PTPRD: variants seen among roughly 807,000 people sequenced by gnomAD.
The protein encoded by PTPRD is protein tyrosine phosphatase receptor type D, also known as receptor-type tyrosine-protein phosphatase delta.
A neutral mutation model predicts 214.5 loss-of-function variants in PTPRD; 34 were observed. The observed-to-expected ratio is 0.16, with a 90% CI of 0.12 to 0.21. The LOEUF (loss-of-function observed/expected upper bound fraction) is 0.21, where lower values mean the gene tolerates loss of function less well. PTPRD is among the 10% of genes least tolerant of loss of function. PTPRD has a pLI of 1.00. For missense variants in PTPRD, 2,545 were observed against 2,398.7 expected, an observed-to-expected ratio of 1.06 and a Z score of -1.27; for synonymous variants, 1,128 against 845.7, an observed-to-expected ratio of 1.33 and a Z score of -5.79.
chr9:8,525,208 A>G (rs763979722), intron 17 of PTPRD, 173 bp from the exon 18 acceptor site: 3 of 732,360 alleles, frequency 4.1e-6, no homozygotes, highest in East Asian at 2.5e-5. Flanking sequence ...AGAAAAACAT[A>G]TAGAGATTAT....
At chr9:10,500,870 C>T (rs527892913) in intron 2 of PTPRD, among the ~76,000 whole-genome samples, 7 of 151,718 alleles carry the variant, frequency 4.6e-5, no homozygotes, top group South Asian at 2.1e-4. Context: ...TTATTGCGAC[C>T]GACAGAATAT....
intron 39 of PTPRD, among the ~76,000 whole-genome samples, chr9:8,353,838 A>ATGTATATATGTGTATATG (rs2076197390): frequency 8.6e-5 from 4 of 46,660 alleles, no homozygotes; most frequent in African/African-American, 1.7e-4. Flanking sequence ...ATATGTATAT[A>ATGTATATATGTGTATATG]TGTATATATG....
intron 5 of PTPRD, among the ~76,000 whole-genome samples, chr9:9,794,893 C>A (rs1456923948): frequency 6.6e-6 from 1 of 152,076 alleles, no homozygotes; most frequent in African/African-American, 2.4e-5. Context: ...GGGAAGAGAA[C>A]CTAAAAGGGG....
intron 9 of PTPRD, among the ~76,000 whole-genome samples, chr9:9,251,437 T>C (rs2099975448): frequency 6.6e-6 from 1 of 152,130 alleles, no homozygotes; most frequent in Admixed American, 6.6e-5. Flanking sequence ...CCTTTGTACA[T>C]GCTTTTTCCT....
intron 14 of PTPRD, among the ~76,000 whole-genome samples, chr9:8,606,879 T>C (rs1204497143): frequency 6.6e-6 from 1 of 152,238 alleles, no homozygotes; most frequent in Non-Finnish European, 1.5e-5. Flanking sequence ...ACAGTTTTTT[T>C]TGTGTGACCA....
At chr9:9,216,882 G>A (rs1698433388) in intron 9 of PTPRD, among the ~76,000 whole-genome samples, 2 of 152,012 alleles carry the variant, frequency 1.3e-5, no homozygotes, top group Admixed American at 6.6e-5. Flanking sequence ...ACAGTTAAAT[G>A]ACTTTTGGTT....
intron 10 of PTPRD, among the ~76,000 whole-genome samples, chr9:9,099,175 T>A (rs898502082): frequency 6.6e-6 from 1 of 152,216 alleles, no homozygotes; most frequent in Non-Finnish European, 1.5e-5. Flanking sequence ...GCAGGCCATG[T>A]ACACATTTAT....
intron 10 of PTPRD, among the ~76,000 whole-genome samples, chr9:9,046,970 G>C (rs1319235860): frequency 6.6e-6 from 1 of 152,076 alleles, no homozygotes; most frequent in Non-Finnish European, 1.5e-5. Flanking sequence ...AATGGAAAAA[G>C]TCAAATAATC....
At chr9:10,552,861 G>A (rs559066681) in intron 2 of PTPRD, among the ~76,000 whole-genome samples, 66 of 152,160 alleles carry the variant, frequency 4.3e-4, no homozygotes, top group Non-Finnish European at 8.1e-4. Flanking sequence ...TGGAAAAAAG[G>A]AAACCTATTC....
rs184300160 is a variant in PTPRD, at chr9:8,597,184, G to A, written c.352+36133C>T. On this transcript the variant is annotated intron_variant, in intron 14 of 45. Coordinates refer to ENST00000381196, the MANE Select transcript of PTPRD (RefSeq NM_002839.4). ...AAGGGGGAATCTTTCTGTTTTCCTA[G>A]ATTTAACCCTGGAAGAGCAGTCTTT... Among the ~76,000 whole-genome samples, 734 of 152,170 alleles carry A rather than the reference G, an allele frequency of 4.8e-3. 3 individuals are homozygous for A. The highest frequency in any genetic ancestry group is 7.2e-3 in the Non-Finnish European group (489 of 67,964).
intron 9 of PTPRD, among the ~76,000 whole-genome samples, chr9:9,389,583 CT>C (rs1333088937): frequency 6.6e-6 from 1 of 152,048 alleles, no homozygotes; most frequent in Non-Finnish European, 1.5e-5. Flanking sequence ...TAAGTTTCAC[CT>C]TTTTTACTTG....
At chr9:10,014,536 T>G (rs943134379) in intron 4 of PTPRD, among the ~76,000 whole-genome samples, 1 of 151,996 alleles carries the variant, frequency 6.6e-6, no homozygotes, top group Admixed American at 6.6e-5. Flanking sequence ...CTAGAAATAA[T>G]GCATTTCCTT....
intron 9 of PTPRD, among the ~76,000 whole-genome samples, chr9:9,250,517 A>G (rs1487268830): frequency 6.6e-6 from 1 of 152,052 alleles, no homozygotes. Flanking sequence ...AATAACCCCA[A>G]TGACAAAAGG....
chr9:10,163,340 T>C (rs1238250443), intron 3 of PTPRD, among the ~76,000 whole-genome samples: 1 of 151,412 alleles, frequency 6.6e-6, no homozygotes, highest in Non-Finnish European at 1.5e-5. Flanking sequence ...AACTTAGAAA[T>C]ACTTTTGCCA....
intron 2 of PTPRD, among the ~76,000 whole-genome samples, chr9:10,537,144 G>A (rs926469400): frequency 6.6e-6 from 1 of 152,052 alleles, no homozygotes; most frequent in Non-Finnish European, 1.5e-5. Flanking sequence ...GATGCATGGC[G>A]AGATCTATCA....
At chr9:10,247,214 T>G (rs112227771) in intron 3 of PTPRD, among the ~76,000 whole-genome samples, 1 of 152,138 alleles carries the variant, frequency 6.6e-6, no homozygotes, top group Admixed American at 6.6e-5. Context: ...AGAGAGACAA[T>G]AGTATCTCAA....
At chr9:9,033,527 A>C (rs1343304546) in intron 10 of PTPRD, among the ~76,000 whole-genome samples, 1 of 152,166 alleles carries the variant, frequency 6.6e-6, no homozygotes, top group Non-Finnish European at 1.5e-5. Flanking sequence ...ATGAGATTCT[A>C]TAAAAGGATT....
rs187229861 is a variant in PTPRD, at chr9:10,556,207, C to T, written c.-600+56191G>A. On this transcript the variant is annotated intron_variant, in intron 2 of 45. Coordinates refer to ENST00000381196, the MANE Select transcript of PTPRD (RefSeq NM_002839.4). ...AAATAGGACTGATCTAAATGTCAAA[C>T]TTTAGAGAAATTACTAAGTAGATCA... Among the ~76,000 whole-genome samples, 495 of 151,974 alleles carry T rather than the reference C, an allele frequency of 3.3e-3. 1 individual carries two copies. Among genetic ancestry groups the T allele is most frequent in the Non-Finnish European group, 6.1e-3 (413 of 67,946 alleles).
chr9:8,652,963 A>G (rs2096842624), intron 12 of PTPRD, among the ~76,000 whole-genome samples: 1 of 152,174 alleles, frequency 6.6e-6, no homozygotes, highest in Non-Finnish European at 1.5e-5. Context: ...GTTGAGTGAT[A>G]CATGCTGCTT....
Sources: gnomAD v4.1 joint callset for allele counts (sites outside exome capture counted in the v4.1 genomes callset) on GRCh38, gnomAD v4.1.1 for gene constraint, MANE v1.5 for transcripts, NCBI Gene and HGNC (gene_info 2026-07-23, HGNC 2026-07-21) for gene names.